DOK6: variants seen among roughly 807,000 people sequenced by gnomAD.
DOK6 encodes the protein docking protein 6.
DOK6 carries 22 observed loss-of-function variants against 44.0 expected under a neutral mutation model. That is an observed-to-expected ratio of 0.50 (90% CI 0.36 to 0.71). The LOEUF is 0.71. DOK6 is among the 30% of genes least tolerant of loss of function. The probability of loss-of-function intolerance (pLI) is 0.00; values close to 1 mark genes in which losing one functional copy is unlikely to be tolerated. For synonymous variants in DOK6, 166 were observed against 145.5 expected, an observed-to-expected ratio of 1.14 and a Z score of -1.01; for missense variants, 340 against 416.4, an observed-to-expected ratio of 0.82 and a Z score of 1.60.
intron 7 of DOK6, among the ~76,000 whole-genome samples, chr18:69,805,533 A>C (rs1981029367): frequency 6.6e-6 from 1 of 152,210 alleles, no homozygotes; most frequent in African/African-American, 2.4e-5. Context: ...ACTGCAAAGT[A>C]GGTGGTGCTA....
chr18:69,609,288 A>G (rs1215127012), intron 3 of DOK6, among the ~76,000 whole-genome samples: 1 of 152,206 alleles, frequency 6.6e-6, no homozygotes, highest in Non-Finnish European at 1.5e-5. Context: ...TATATTAGGC[A>G]TGTGTACATC....
intron 6 of DOK6, among the ~76,000 whole-genome samples, chr18:69,751,741 A>T (rs1475431325): frequency 6.6e-6 from 1 of 152,184 alleles, no homozygotes; most frequent in Non-Finnish European, 1.5e-5. Flanking sequence ...GCAGTGGCTC[A>T]CACCTCTAAT....
chr18:69,410,859 A>G (rs1362823143), intron 1 of DOK6, among the ~76,000 whole-genome samples: 1 of 152,170 alleles, frequency 6.6e-6, no homozygotes, highest in Non-Finnish European at 1.5e-5. Context: ...ATGAGGCTAT[A>G]TTTTTAAAAA....
intron 1 of DOK6, among the ~76,000 whole-genome samples, chr18:69,476,518 G>GT (rs1980269710): frequency 6.6e-6 from 1 of 151,630 alleles, no homozygotes; most frequent in Non-Finnish European, 1.5e-5. Context: ...CTCAGAAGGA[G>GT]GGATTAGAGA....
chr18:69,670,165 T>C (rs976059347), intron 3 of DOK6, among the ~76,000 whole-genome samples: 1 of 152,052 alleles, frequency 6.6e-6, no homozygotes, highest in Non-Finnish European at 1.5e-5. Context: ...TCAGATTTGT[T>C]GGTGTCGTTT....
chr18:69,565,613 A>G (rs1407553990), intron 2 of DOK6, among the ~76,000 whole-genome samples: 2 of 151,794 alleles, frequency 1.3e-5, no homozygotes, highest in Non-Finnish European at 2.9e-5. Context: ...ATCTCAAACA[A>G]TCCTCCTGCC....
chr18:69,811,289 T>C (rs997247335), intron 7 of DOK6, among the ~76,000 whole-genome samples: 3 of 151,840 alleles, frequency 2.0e-5, no homozygotes, highest in African/African-American at 4.8e-5. Flanking sequence ...CCAGTGGTGG[T>C]TACTAGAGGC....
At chr18:69,555,821 A>G (rs1982673949) in intron 1 of DOK6, among the ~76,000 whole-genome samples, 1 of 152,220 alleles carries the variant, frequency 6.6e-6, no homozygotes. Flanking sequence ...AATCAATTTG[A>G]TAAATATTTT....
chr18:69,808,574 T>C (rs935358075), intron 7 of DOK6, among the ~76,000 whole-genome samples: 2 of 151,492 alleles, frequency 1.3e-5, no homozygotes, highest in African/African-American at 4.8e-5. Flanking sequence ...CTCAAGTAAA[T>C]AAAATGAGAA....
At chr18:69,443,425 C>T (rs893299196) in intron 1 of DOK6, among the ~76,000 whole-genome samples, 6 of 152,142 alleles carry the variant, frequency 3.9e-5, no homozygotes, top group Admixed American at 3.3e-4. Flanking sequence ...TCTCTTTGTT[C>T]TGCAGTTTTC....
intron 1 of DOK6, among the ~76,000 whole-genome samples, chr18:69,412,418 ATT>A (rs756798698): frequency 6.6e-6 from 1 of 152,018 alleles, no homozygotes; most frequent in Non-Finnish European, 1.5e-5. Flanking sequence ...TTTGAGGGTT[ATT>A]TTTTCTCTTT....
chr18:69,414,587 T>C (rs1004626039), intron 1 of DOK6, among the ~76,000 whole-genome samples: 1 of 151,916 alleles, frequency 6.6e-6, no homozygotes, highest in African/African-American at 2.4e-5. Flanking sequence ...GGTATGGGGT[T>C]TGTGTGTGAG....
At chr18:69,561,662 A>T (rs946957900) in intron 1 of DOK6, among the ~76,000 whole-genome samples, 3 of 152,080 alleles carry the variant, frequency 2.0e-5, no homozygotes, top group Non-Finnish European at 4.4e-5. Context: ...GGTGCATCTG[A>T]TCAGGCAGAG....
chr18:69,543,935 C>G (rs1982333575), intron 1 of DOK6, among the ~76,000 whole-genome samples: 1 of 151,148 alleles, frequency 6.6e-6, no homozygotes. Context: ...GATGACTAAA[C>G]CAGTCCAATT....
chr18:69,603,731 A>G (rs1488663623), intron 3 of DOK6, among the ~76,000 whole-genome samples: 2 of 130,996 alleles, frequency 1.5e-5, no homozygotes, highest in Admixed American at 1.0e-4. Flanking sequence ...AGATCGCGCC[A>G]CTGCACTCCA....
intron 3 of DOK6, among the ~76,000 whole-genome samples, chr18:69,634,726 A>C (rs1435757787): frequency 1.3e-5 from 2 of 152,228 alleles, no homozygotes; most frequent in African/African-American, 4.8e-5. Context: ...CTAGATGGGG[A>C]GACAGACAAC....
intron 1 of DOK6, among the ~76,000 whole-genome samples, chr18:69,547,180 A>C (rs995540664): frequency 3.3e-5 from 5 of 151,610 alleles, no homozygotes; most frequent in African/African-American, 1.2e-4. Context: ...GGCTCACTGC[A>C]ACCTCTGCCT....
chr18:69,435,544 G>A (rs1386025469), intron 1 of DOK6, among the ~76,000 whole-genome samples: 1 of 152,156 alleles, frequency 6.6e-6, no homozygotes, highest in African/African-American at 2.4e-5. Context: ...AAGTGGGAAA[G>A]GATTCCTTAA....
intron 3 of DOK6, among the ~76,000 whole-genome samples, chr18:69,635,448 T>C (rs991017367): frequency 2.6e-5 from 4 of 152,206 alleles, no homozygotes; most frequent in African/African-American, 9.6e-5. Flanking sequence ...TCCGTAATTG[T>C]CCTATCTAAT....
Sources: gnomAD v4.1 joint callset for allele counts (sites outside exome capture counted in the v4.1 genomes callset) on GRCh38, gnomAD v4.1.1 for gene constraint, MANE v1.5 for transcripts, NCBI Gene and HGNC (gene_info 2026-07-23, HGNC 2026-07-21) for gene names.